Variants in TADA3 observed in about 807,000 individuals in gnomAD.
TADA3 encodes the protein transcriptional adaptor 3, also known as transcriptional adapter 3.
In TADA3, 25 loss-of-function variants were observed where a neutral mutation model predicts 43.2. The observed-to-expected ratio is 0.58, with a 90% CI of 0.42 to 0.81. TADA3 has a LOEUF of 0.81. Ranked by LOEUF, TADA3 falls within the 30% of genes least tolerant of loss-of-function variation. The probability of loss-of-function intolerance (pLI) is 0.00; values close to 1 mark genes in which losing one functional copy is unlikely to be tolerated. For missense variants in TADA3, 441 were observed against 567.8 expected (o/e 0.78, Z 2.27); for synonymous variants, 235 against 225.5 (o/e 1.04, Z -0.38).
intron 7 of TADA3, 71 bp downstream of exon 7, chr3:9,785,245 C>T: frequency 1.6e-6 from 2 of 1,265,742 alleles, no homozygotes; most frequent in Non-Finnish European, 2.3e-6. Flanking sequence ...GAGGACTTCC[C>T]CAGGTTGAGA....
chr3:9,780,455 CAGCCA>C lies in TADA3; in HGVS notation c.1196_1200del (p.Met399SerfsTer24). On this transcript the variant is annotated frameshift_variant, in exon 9 of 9. Coordinates refer to ENST00000301964, the MANE Select transcript of TADA3 (RefSeq NM_006354.5). LOFTEE classifies it high-confidence loss of function. The stretch of plus-strand genomic sequence containing the variant: ...GTGGGAGTCCGCTTCTTCTGCCGGG[CAGCCA>C]TGATCTTGCGAAAGGCGTCCATGAC... 1 of 1,612,510 alleles carries C rather than the reference CAGCCA, an allele frequency of 6.2e-7. No individual in the cohort carries two copies. Among genetic ancestry groups the C allele is most frequent in the Non-Finnish European group, 8.5e-7 (1 of 1,180,010 alleles).
At position 9,780,412 on chromosome 3, in the gene TADA3, T is replaced by C. The variant is rs1389742894; in HGVS notation, c.1244A>G (p.Gln415Arg). The C allele has an allele frequency of 6.2e-7, 1 of 1,613,524 alleles. No individual in the cohort carries two copies. The highest frequency in any genetic ancestry group is 1.3e-5 in the African/African-American group (1 of 74,870). The change falls in exon 9 of 9, where the codon CAG (glutamine) becomes CGG (arginine). Residue 415 changes from glutamine (Q) to arginine (R), a missense_variant. Transcript: ENST00000301964. Reference protein sequence around the residue: ...KRTPTKKEKDQAWKTLKERES... With the variant: ...KRTPTKKEKDRAWKTLKERES... ...ACGCTCCTTCAGAGTCTTCCAGGCC[T>C]GGTCCTTTTCTTTCTTGGTGGGAGT...
At chr3:9,792,502 G>A, upstream of TADA3, 1 of 1,215,580 alleles carries the variant, frequency 8.2e-7, no homozygotes, top group Non-Finnish European at 1.0e-6. Context: ...TGCAGTTGAC[G>A]CGGGGGCGGG....
intron 7 of TADA3, 116 bp from the exon 8 acceptor site, chr3:9,784,329 C>A (rs1189040008): frequency 5.2e-6 from 7 of 1,347,192 alleles, no homozygotes; most frequent in East Asian, 2.5e-5. Flanking sequence ...TTGGGCACCC[C>A]CTCTGTATCT....
chr3:9,780,517 A>T lies in TADA3; in HGVS notation c.1139T>A (p.Leu380Gln), dbSNP rs758706097. 1 of 1,606,342 alleles carries T rather than the reference A, an allele frequency of 6.2e-7. No homozygotes were observed. ...GTCAGCCATGCGCACCCGCTGCCTCAGCTCCTGCCGGCTCACCTCCTCCTT... is the reference window on the plus strand; with the variant it reads ...GTCAGCCATGCGCACCCGCTGCCTCTGCTCCTGCCGGCTCACCTCCTCCTT... ...LAKEEVSRQELRQRVRMADNE... is the reference protein window; with the variant it reads ...LAKEEVSRQEQRQRVRMADNE... Residue 380 changes from leucine (L) to glutamine (Q), a missense_variant, in exon 9 of 9, where the codon CTG becomes CAG. By Grantham distance (113) the Leu-to-Gln change is moderately radical (BLOSUM62 -2). Transcript: ENST00000301964.
chr3:9,792,369 T>C lies in TADA3; in HGVS notation c.-181A>G. 1 of 510,864 alleles carries C rather than the reference T, an allele frequency of 2.0e-6. No individual in the cohort carries two copies. Among genetic ancestry groups the C allele is most frequent in the African/African-American group, 2.0e-5 (1 of 49,008 alleles). 31.6% of individuals were successfully genotyped at this position (510,864 alleles called of 1,614,324 possible). On this transcript the variant is annotated 5_prime_UTR_variant, in exon 1 of 9. Transcript: ENST00000301964. ...TCCTCGTTCTCTAGGGACACCCTAG[T>C]GCGACCCCCGCCCCCTCTACCTCCT...
chr3:9,785,174 CA>C (rs2078577918), intron 7 of TADA3, 141 bp downstream of exon 7: 2 of 605,190 alleles, frequency 3.3e-6, no homozygotes, highest in Non-Finnish European at 6.0e-6. Flanking sequence ...CACGCTGGGT[CA>C]TCACTCACAC....
At position 9,780,155 on chromosome 3, in the gene TADA3, C is replaced by A. The variant is rs760494473; in HGVS notation, c.*202G>T. The stretch of plus-strand genomic sequence containing the variant: ...CTCGGGGACCAAGCAGAGACTAGGC[C>A]TCAGGCTAGCCCAGCAGGGCTTCCT... On this transcript the variant is annotated 3_prime_UTR_variant, in exon 9 of 9. Transcript: ENST00000301964. The A allele has an allele frequency of 3.9e-6, 2 of 506,476 alleles. No individual in the cohort carries two copies. The highest frequency in any genetic ancestry group is 3.6e-5 in the Admixed American group (1 of 28,012). The allele number at this position is 506,476 out of a possible 1,614,324, so 31.4% of individuals were successfully genotyped here. A position where few individuals can be genotyped will look rare whatever the true frequency, so the allele number is the denominator to read the frequency against.
chr3:9,791,541 G>T, intron 1 of TADA3, 48 bp from the exon 2 acceptor site: 1 of 1,211,202 alleles, frequency 8.3e-7, no homozygotes, highest in South Asian at 1.5e-5. Flanking sequence ...TCTGAGAAAA[G>T]CCCAAGGGCT....
At chr3:9,785,681 A>G (rs1407049837) in intron 6 of TADA3, among the ~76,000 whole-genome samples, 3 of 152,214 alleles carry the variant, frequency 2.0e-5, no homozygotes, top group Non-Finnish European at 4.4e-5. Context: ...ATGAACAGCT[A>G]AGGTTTGTGA....
At position 9,780,318 on chromosome 3, in the gene TADA3, C is replaced by A; in HGVS notation, c.*39G>T. The A allele has an allele frequency of 6.3e-7, 1 of 1,582,604 alleles. No individual in the cohort carries two copies. Among genetic ancestry groups the A allele is most frequent in the Non-Finnish European group, 8.6e-7 (1 of 1,163,714 alleles). ...GAAGGAAGTGGGCCTCCCTTCCCCT[C>A]CCCTAGGCCAGATAATCAGCCTGAG... On this transcript the variant is annotated 3_prime_UTR_variant, in exon 9 of 9. Transcript: ENST00000301964.
upstream of TADA3, chr3:9,792,817 C>T (rs1317407001): frequency 7.4e-7 from 1 of 1,351,962 alleles, no homozygotes. Context: ...TGTACCATTG[C>T]ATACCTGGGG....
chr3:9,786,167 C>T (rs1037997864), intron 6 of TADA3, among the ~76,000 whole-genome samples: 3 of 152,092 alleles, frequency 2.0e-5, no homozygotes, highest in African/African-American at 7.2e-5. Flanking sequence ...TCTCGATCTC[C>T]TGACCTTGTG....
chr3:9,780,627 AC>A, intron 8 of TADA3, 78 bp from the exon 9 acceptor site: 1 of 1,445,600 alleles, frequency 6.9e-7, no homozygotes, highest in Non-Finnish European at 9.2e-7. Flanking sequence ...GACCGAGCCT[AC>A]CCACCAGCCC....
intron 4 of TADA3, among the ~76,000 whole-genome samples, chr3:9,788,549 T>C (rs888419840): frequency 4.0e-5 from 6 of 151,672 alleles, no homozygotes; most frequent in Non-Finnish European, 7.4e-5. Flanking sequence ...CCGGCTTTTT[T>C]TTTTTTAATG....
rs191346373 is a variant in TADA3, at chr3:9,787,663, G to A, written c.565-323C>T. On this transcript the variant is annotated intron_variant, in intron 4 of 8. Transcript: ENST00000301964. Reference sequence around the variant, plus strand: ...AGAGAATTAGGAGCCTTCAGGTCACGGGTGACAGGGAATTACCTTTTGTAT... The same window carrying A: ...AGAGAATTAGGAGCCTTCAGGTCACAGGTGACAGGGAATTACCTTTTGTAT... 9.8e-4 allele frequency: 1,348 copies of A among 1,376,110 alleles called. 1 individual carries two copies. Among genetic ancestry groups the A allele is most frequent in the Non-Finnish European group, 1.2e-3 (1,271 of 1,045,534 alleles). The allele number at this position is 1,376,110 out of a possible 1,614,324, so 85.2% of individuals were successfully genotyped here. A position where few individuals can be genotyped will look rare whatever the true frequency, so the allele number is the denominator to read the frequency against.
At chr3:9,788,428 G>A (rs990142917) in intron 4 of TADA3, among the ~76,000 whole-genome samples, 10 of 151,784 alleles carry the variant, frequency 6.6e-5, no homozygotes, top group Non-Finnish European at 1.3e-4. Context: ...TCTATTTTTA[G>A]TAGAGACGGG....
intron 7 of TADA3, among the ~76,000 whole-genome samples, 182 bp from the exon 8 acceptor site, chr3:9,784,395 C>T (rs1299640571): frequency 6.6e-6 from 1 of 152,028 alleles, no homozygotes; most frequent in Admixed American, 6.6e-5. Context: ...AAACAAGCAA[C>T]GTATGTATCT....
At position 9,792,282 on chromosome 3, in the gene TADA3, G is replaced by T. The variant is rs944755163; in HGVS notation, c.-94C>A. ...AGAGCCCAGTTCAGTGTCTGGCACA[G>T]AAGTGGGACTGTTTAATGGCTGGCC... On this transcript the variant is annotated 5_prime_UTR_variant, in exon 1 of 9. The change creates a new upstream start codon in the 5' untranslated region. Coordinates refer to ENST00000301964, the MANE Select transcript of TADA3 (RefSeq NM_006354.5). 2.5e-5 allele frequency: 4 copies of T among 157,718 alleles called. No individual in the cohort carries two copies. The highest frequency in any genetic ancestry group is 5.5e-5 in the Non-Finnish European group (4 of 72,360). The allele number at this position is 157,718 out of a possible 1,614,324, so 9.8% of individuals were successfully genotyped here.
Sources: allele counts gnomAD v4.1 joint callset (sites outside exome capture counted in the v4.1 genomes callset), GRCh38; gene constraint gnomAD v4.1.1; transcripts MANE v1.5; gene names NCBI Gene and HGNC (gene_info 2026-07-23, HGNC 2026-07-21).